Variants in TCERG1L observed in about 807,000 individuals in gnomAD.
TCERG1L encodes transcription elongation regulator 1-like protein.
A neutral mutation model predicts 56.3 loss-of-function variants in TCERG1L; 37 were observed. The observed-to-expected ratio is 0.66, with a 90% CI of 0.51 to 0.87. The LOEUF (loss-of-function observed/expected upper bound fraction) is 0.87. TCERG1L is among the 40% of genes least tolerant of loss of function. The pLI is 0.00. For missense variants in TCERG1L, 799 were observed against 774.2 expected (o/e 1.03, Z -0.38); for synonymous variants, 324 against 326.3 (o/e 0.99, Z 0.08).
At chr10:131,176,557 CATACAA>C in intron 4 of TCERG1L, among the ~76,000 whole-genome samples, 1 of 1,592 alleles carries the variant, frequency 6.3e-4, no homozygotes, top group African/African-American at 1.5e-3. Context: ...GAGATAGGCA[CATACAA>C]AGAGGCACGT....
intron 8 of TCERG1L, among the ~76,000 whole-genome samples, chr10:131,122,760 C>T (rs1254641184): frequency 1.3e-5 from 2 of 152,182 alleles, no homozygotes; most frequent in Non-Finnish European, 2.9e-5. Flanking sequence ...CCAAGTCAGA[C>T]AGATGTGAGG....
At chr10:131,153,220 G>A (rs1034788451) in intron 6 of TCERG1L, among the ~76,000 whole-genome samples, 1 of 152,168 alleles carries the variant, frequency 6.6e-6, no homozygotes, top group African/African-American at 2.4e-5. Flanking sequence ...CTAGCAGAGG[G>A]AGGAAAGGGC....
At chr10:131,221,744 G>A (rs879457036) in intron 4 of TCERG1L, among the ~76,000 whole-genome samples, 6 of 152,316 alleles carry the variant, frequency 3.9e-5, no homozygotes, top group East Asian at 3.9e-4. Flanking sequence ...AGCAGAGCAC[G>A]TCGTAATCAC....
intron 4 of TCERG1L, among the ~76,000 whole-genome samples, chr10:131,258,435 A>G (rs146616619): frequency 1.3e-3 from 191 of 152,226 alleles, no homozygotes; most frequent in African/African-American, 4.2e-3. Flanking sequence ...CCACCTCCCA[A>G]TGGAGCCCTC....
Position 131,118,830 on chromosome 10 carries a change from A to G in TCERG1L, c.1260-1896T>C, listed in dbSNP as rs973608076. ...CAGTTCTGGTTTTGACGATAGCACC[A>G]TGTTCTCCACTGGGGATGATTTTGC... On this transcript the variant is annotated intron_variant, in intron 8 of 11. Transcript: ENST00000368642. This position sits in a 1 kb window ranked among gnomAD's most constrained non-coding sequence, Gnocchi z 4.2. Among the ~76,000 whole-genome samples, 14 of 152,148 alleles carry G rather than the reference A, an allele frequency of 9.2e-5. No individual in the cohort carries two copies. The highest frequency in any genetic ancestry group is 3.1e-4 in the African/African-American group (13 of 41,438).
Position 131,173,403 on chromosome 10 carries a change from TAATAA to T in TCERG1L, c.857-6523_857-6519del, listed in dbSNP as rs368096501. The stretch of plus-strand genomic sequence containing the variant: ...TACTGAGCTCCTTTGAAAAATTTGA[TAATAA>T]AATAAGGGGAAAATGCAATTTATGG... On this transcript the variant is annotated intron_variant, in intron 4 of 11. Transcript: ENST00000368642. Among the ~76,000 whole-genome samples the T allele has an allele frequency of 3.9e-3, 593 of 152,272 alleles. 5 individuals carry two copies. Among genetic ancestry groups the T allele is most frequent in the African/African-American group, 0.014 (575 of 41,560 alleles).
chr10:131,257,141 C>T (rs1846182115), intron 4 of TCERG1L, among the ~76,000 whole-genome samples: 1 of 152,010 alleles, frequency 6.6e-6, no homozygotes, highest in Non-Finnish European at 1.5e-5. Flanking sequence ...GAAGGGAGCG[C>T]TGTCCCTGGA....
chr10:131,218,405 G>A (rs1386448058), intron 4 of TCERG1L, among the ~76,000 whole-genome samples: 1 of 152,232 alleles, frequency 6.6e-6, no homozygotes, highest in East Asian at 1.9e-4. Context: ...CTTGGGTGGT[G>A]TGACCTCACT....
At chr10:131,299,620 T>C (rs1846738722) in intron 3 of TCERG1L, among the ~76,000 whole-genome samples, 1 of 152,138 alleles carries the variant, frequency 6.6e-6, no homozygotes, top group South Asian at 2.1e-4. Context: ...CTCTGTCAAT[T>C]TGAGGAAGTC....
intron 3 of TCERG1L, among the ~76,000 whole-genome samples, chr10:131,287,198 G>C (rs1478789854): frequency 2.0e-5 from 3 of 152,214 alleles, no homozygotes; most frequent in African/African-American, 7.2e-5. Context: ...CTTCCAGTAA[G>C]AAGAAAGTAG....
At chr10:131,175,128 G>A (rs1241272564) in intron 4 of TCERG1L, among the ~76,000 whole-genome samples, 5 of 151,952 alleles carry the variant, frequency 3.3e-5, no homozygotes, top group South Asian at 2.1e-4. Context: ...TTTCACCAGC[G>A]TGATCCAGGG....
chr10:131,261,960 C>T (rs546822826), intron 3 of TCERG1L, among the ~76,000 whole-genome samples: 7 of 152,292 alleles, frequency 4.6e-5, no homozygotes, highest in African/African-American at 7.2e-5. Context: ...AAGAAGCAGG[C>T]GTGCGAAGGC....
intron 8 of TCERG1L, among the ~76,000 whole-genome samples, chr10:131,122,055 A>C (rs1845520115): frequency 6.6e-6 from 1 of 152,232 alleles, no homozygotes; most frequent in African/African-American, 2.4e-5. Flanking sequence ...CGTGCCACAC[A>C]CTGCCAGCCT....
At chr10:131,255,564 A>G (rs1358174606) in intron 4 of TCERG1L, among the ~76,000 whole-genome samples, 4 of 152,220 alleles carry the variant, frequency 2.6e-5, no homozygotes, top group Admixed American at 2.6e-4. Context: ...TGTCTATTGT[A>G]TTAGTATTCT....
chr10:131,281,874 C>A (rs1294842014), intron 3 of TCERG1L, among the ~76,000 whole-genome samples: 1 of 147,736 alleles, frequency 6.8e-6, no homozygotes, highest in African/African-American at 2.5e-5. Flanking sequence ...CGGTGGCTCA[C>A]GCCTGTAATC....
At chr10:131,147,502 CT>C (rs996395369) in intron 6 of TCERG1L, among the ~76,000 whole-genome samples, 1 of 152,210 alleles carries the variant, frequency 6.6e-6, no homozygotes, top group African/African-American at 2.4e-5. Flanking sequence ...CCGGCCGGGG[CT>C]CTGGGTTTAA....
chr10:131,177,080 ACACG>A (rs1338405639), intron 4 of TCERG1L, among the ~76,000 whole-genome samples: 1 of 60,342 alleles, frequency 1.7e-5, no homozygotes, highest in African/African-American at 8.0e-5. Flanking sequence ...ACATACACAC[ACACG>A]TACTCACAGA....
intron 4 of TCERG1L, among the ~76,000 whole-genome samples, chr10:131,168,966 G>A (rs911096736): frequency 2.0e-5 from 3 of 152,164 alleles, no homozygotes; most frequent in Non-Finnish European, 4.4e-5. Context: ...AGGGACTATC[G>A]GCTTTTCACT....
chr10:131,140,905 G>A (rs748500597), intron 7 of TCERG1L, among the ~76,000 whole-genome samples: 1 of 152,166 alleles, frequency 6.6e-6, no homozygotes, highest in Non-Finnish European at 1.5e-5. Flanking sequence ...GCAGGGGCCG[G>A]GTTTGATCCA....
Sources: gnomAD v4.1 joint callset for allele counts (sites outside exome capture counted in the v4.1 genomes callset) on GRCh38, gnomAD v4.1.1 for gene constraint, Gnocchi (gnomAD v3.1) non-coding constraint, MANE v1.5 for transcripts, NCBI Gene and HGNC (gene_info 2026-07-23, HGNC 2026-07-21) for gene names.